Variants in UTRN observed in about 807,000 individuals in gnomAD.
The protein encoded by UTRN is dystrophin-related protein 1.
UTRN carries 283 observed loss-of-function variants against 463.9 expected under a neutral mutation model. The observed-to-expected ratio is 0.61, with a 90% CI of 0.55 to 0.67. The LOEUF is 0.67. UTRN is among the 30% of genes least tolerant of loss of function. The pLI, the probability that UTRN is intolerant of heterozygous loss-of-function variation, is 0.00. For synonymous variants in UTRN, 1,442 were observed against 1,431.5 expected, an observed-to-expected ratio of 1.01 and a Z score of -0.17; for missense variants, 3,922 against 4,084.3, an observed-to-expected ratio of 0.96 and a Z score of 1.08.
chr6:144,409,604 G>T (rs1381564605), intron 3 of UTRN, among the ~76,000 whole-genome samples: 2 of 152,104 alleles, frequency 1.3e-5, no homozygotes, highest in Non-Finnish European at 2.9e-5. Context: ...ATCAAGAGGG[G>T]ATTGCTGAGA....
chr6:144,750,005 G>A (rs1322891678), intron 55 of UTRN, among the ~76,000 whole-genome samples: 4 of 152,088 alleles, frequency 2.6e-5, no homozygotes, highest in Admixed American at 2.6e-4. Context: ...CAGTTCTTGA[G>A]TCCTCCAAGG....
At chr6:144,699,993 A>G in intron 52 of UTRN, 94 bp from the exon 53 acceptor site, 1 of 1,286,994 alleles carries the variant, frequency 7.8e-7, no homozygotes. Context: ...ACTTGGTCAG[A>G]TAAGATTATT....
At chr6:144,367,256 ATTACAGG>A (rs1779595063) in intron 2 of UTRN, among the ~76,000 whole-genome samples, 1 of 151,818 alleles carries the variant, frequency 6.6e-6, no homozygotes, top group Admixed American at 6.6e-5. Context: ...AAGTGCTGGG[ATTACAGG>A]TGTGAGCCAC....
chr6:144,662,924 G>A (rs990006111), intron 51 of UTRN, among the ~76,000 whole-genome samples: 1 of 152,098 alleles, frequency 6.6e-6, no homozygotes, highest in African/African-American at 2.4e-5. Context: ...AGAATGTTTG[G>A]CATGTTATAC....
At chr6:144,526,173 A>C (rs965474930) in intron 41 of UTRN, among the ~76,000 whole-genome samples, 2 of 152,194 alleles carry the variant, frequency 1.3e-5, no homozygotes, top group Admixed American at 6.5e-5. Context: ...GTTGCATAGA[A>C]TGTTCCGTAA....
intron 65 of UTRN, among the ~76,000 whole-genome samples, chr6:144,817,122 T>C (rs1284512795): frequency 6.6e-6 from 1 of 152,104 alleles, no homozygotes; most frequent in Non-Finnish European, 1.5e-5. Context: ...TTGGTTGGAG[T>C]CCATCAAAGG....
intron 18 of UTRN, among the ~76,000 whole-genome samples, chr6:144,453,143 A>G (rs1023737831): frequency 6.6e-6 from 1 of 151,984 alleles, no homozygotes; most frequent in Non-Finnish European, 1.5e-5. Flanking sequence ...TTCTTTTGAG[A>G]TGGGAGTTTT....
chr6:144,824,008 A>G (rs1305964417), intron 66 of UTRN, among the ~76,000 whole-genome samples: 1 of 152,164 alleles, frequency 6.6e-6, no homozygotes, highest in African/African-American at 2.4e-5. Flanking sequence ...GAGACCTGAA[A>G]GATTAATAGG....
At chr6:144,347,765 G>A (rs974621483) in intron 2 of UTRN, among the ~76,000 whole-genome samples, 1 of 151,770 alleles carries the variant, frequency 6.6e-6, no homozygotes, top group African/African-American at 2.4e-5. Flanking sequence ...CTGAGTGTGT[G>A]TGTGTGAATG....
chr6:144,582,012 T>C (rs964579829), intron 51 of UTRN, among the ~76,000 whole-genome samples: 5 of 150,008 alleles, frequency 3.3e-5, no homozygotes, highest in Non-Finnish European at 5.9e-5. Context: ...GCAGTGTAGA[T>C]TCTCAGTATG....
At chr6:144,744,101 A>T (rs1329458189) in intron 54 of UTRN, among the ~76,000 whole-genome samples, 1 of 148,280 alleles carries the variant, frequency 6.7e-6, no homozygotes, top group Non-Finnish European at 1.5e-5. Context: ...CAGCCTGGGT[A>T]ACATAGTGAG....
chr6:144,617,345 A>G (rs571770247), intron 51 of UTRN, among the ~76,000 whole-genome samples: 3 of 152,350 alleles, frequency 2.0e-5, no homozygotes, highest in South Asian at 4.1e-4. Context: ...CCTGCTATCA[A>G]TTAACTATTC....
chr6:144,359,122 A>G (rs1247057491), intron 2 of UTRN, among the ~76,000 whole-genome samples: 1 of 152,224 alleles, frequency 6.6e-6, no homozygotes, highest in East Asian at 1.9e-4. Context: ...GAGATAATAC[A>G]AGTACTCCAG....
At chr6:144,803,773 C>G (rs1586640828) in intron 65 of UTRN, among the ~76,000 whole-genome samples, 1 of 152,050 alleles carries the variant, frequency 6.6e-6, no homozygotes, top group Admixed American at 6.5e-5. Flanking sequence ...AACACTCTTA[C>G]AAGTATCTTT....
intron 2 of UTRN, among the ~76,000 whole-genome samples, chr6:144,342,686 G>A (rs1777236658): frequency 6.6e-6 from 1 of 152,190 alleles, no homozygotes; most frequent in African/African-American, 2.4e-5. Flanking sequence ...TATAGAGACT[G>A]GAAGTAGATT....
At chr6:144,695,695 A>G (rs1412091508) in intron 52 of UTRN, among the ~76,000 whole-genome samples, 1 of 152,218 alleles carries the variant, frequency 6.6e-6, no homozygotes, top group African/African-American at 2.4e-5. Context: ...TAGCATCTAA[A>G]ACAATACATA....
chr6:144,580,649 G>C (rs551549718), intron 51 of UTRN, among the ~76,000 whole-genome samples: 1 of 152,288 alleles, frequency 6.6e-6, no homozygotes, highest in East Asian at 1.9e-4. Context: ...ATTCTTTGGA[G>C]CCCTGCAGGA....
At chr6:144,503,899 T>C (rs1379734624) in intron 34 of UTRN, among the ~76,000 whole-genome samples, 1 of 152,216 alleles carries the variant, frequency 6.6e-6, no homozygotes, top group East Asian at 1.9e-4. Flanking sequence ...TTTCCATTTG[T>C]TTGTATCCTC....
chr6:144,374,065 C>T (rs1216328180), intron 2 of UTRN, among the ~76,000 whole-genome samples: 1 of 152,144 alleles, frequency 6.6e-6, no homozygotes, highest in Non-Finnish European at 1.5e-5. Context: ...TTTCTTCTTA[C>T]TTTCTTTTAT....
Sources: gnomAD v4.1 joint callset for allele counts (sites outside exome capture counted in the v4.1 genomes callset) on GRCh38, gnomAD v4.1.1 for gene constraint, MANE v1.5 for transcripts, NCBI Gene and HGNC (gene_info 2026-07-23, HGNC 2026-07-21) for gene names.